IFT80: variants seen among roughly 807,000 people sequenced by gnomAD.
IFT80 encodes intraflagellar transport protein 80 homolog.
IFT80 carries 79 observed loss-of-function variants against 107.9 expected under a neutral mutation model. The observed-to-expected ratio is 0.73, with a 90% CI of 0.61 to 0.88. The LOEUF is 0.88. IFT80 is among the 40% of genes least tolerant of loss of function. The pLI is 0.00. For missense variants in IFT80, 797 were observed against 914.2 expected, an observed-to-expected ratio of 0.87 and a Z score of 1.65; for synonymous variants, 299 against 300.9, an observed-to-expected ratio of 0.99 and a Z score of 0.07.
chr3:160,291,754 C>A (rs1715576504), intron 12 of IFT80, among the ~76,000 whole-genome samples: 1 of 152,158 alleles, frequency 6.6e-6, no homozygotes, highest in African/African-American at 2.4e-5. Context: ...TAGGGTACAG[C>A]CTCAAGGAAC....
intron 1 of IFT80, among the ~76,000 whole-genome samples, chr3:160,389,409 C>G (rs1158738273): frequency 6.6e-6 from 1 of 151,316 alleles, no homozygotes; most frequent in Non-Finnish European, 1.5e-5. Context: ...ATACATGTGC[C>G]ATGCTGGTGT....
Position 160,277,580 on chromosome 3 carries a change from C to T in IFT80, c.1926+1G>A. ...CATATATGTAAACATTAATTACTTA[C>T]TTCACCAATTGCTGCATAGGCTATT... On this transcript the variant is annotated splice_donor_variant, in intron 17 of 19. Transcript: ENST00000326448. LOFTEE classifies it high-confidence loss of function. 6.2e-7 allele frequency: 1 copy of T among 1,610,024 alleles called. No individual in the cohort carries two copies. Among genetic ancestry groups the T allele is most frequent in the Non-Finnish European group, 8.5e-7 (1 of 1,176,486 alleles).
chr3:160,262,405 G>T (rs1227975889), intron 19 of IFT80, among the ~76,000 whole-genome samples: 1 of 152,170 alleles, frequency 6.6e-6, no homozygotes, highest in African/African-American at 2.4e-5. Context: ...CACCCAGGCT[G>T]GTGTGTGGTG....
intron 5 of IFT80, among the ~76,000 whole-genome samples, chr3:160,368,869 C>G (rs909426635): frequency 6.6e-6 from 1 of 151,776 alleles, no homozygotes; most frequent in African/African-American, 2.4e-5. Context: ...GCGTGTATAC[C>G]AAACTGTGAC....
At chr3:160,269,037 T>C (rs1233495949) in intron 18 of IFT80, among the ~76,000 whole-genome samples, 6 of 152,162 alleles carry the variant, frequency 3.9e-5, no homozygotes, top group Admixed American at 1.3e-4. Context: ...AAGACTAGCC[T>C]GGCCAACATG....
chr3:160,335,311 AC>A (rs1011831421), intron 8 of IFT80, among the ~76,000 whole-genome samples: 1 of 151,586 alleles, frequency 6.6e-6, no homozygotes, highest in African/African-American at 2.4e-5. Flanking sequence ...GCTCACTGCA[AC>A]CTTTGCCTCC....
intron 19 of IFT80, among the ~76,000 whole-genome samples, chr3:160,263,328 C>G (rs1390326411): frequency 1.3e-5 from 2 of 152,162 alleles, no homozygotes; most frequent in African/African-American, 4.8e-5. Context: ...CCTAACTAGT[C>G]TCCTACTCAC....
At chr3:160,368,300 C>T (rs899246229) in intron 5 of IFT80, among the ~76,000 whole-genome samples, 8 of 134,666 alleles carry the variant, frequency 5.9e-5, no homozygotes, top group Non-Finnish European at 1.1e-4. Flanking sequence ...AAACACAATT[C>T]AATTGTGAGC....
At chr3:160,315,995 G>T (rs1717787853) in intron 9 of IFT80, among the ~76,000 whole-genome samples, 1 of 152,238 alleles carries the variant, frequency 6.6e-6, no homozygotes, top group South Asian at 2.1e-4. Flanking sequence ...CTGCCTCCTG[G>T]TATTCAAACC....
chr3:160,396,194 G>A (rs1282991297), intron 1 of IFT80, among the ~76,000 whole-genome samples: 15 of 151,874 alleles, frequency 9.9e-5, no homozygotes, highest in Admixed American at 4.6e-4. Flanking sequence ...CTGGGTTTTC[G>A]GTGATAAGTT....
intron 12 of IFT80, among the ~76,000 whole-genome samples, chr3:160,290,185 T>C (rs1396423149): frequency 6.6e-6 from 1 of 151,996 alleles, no homozygotes. Context: ...GGTAGGCAGA[T>C]CACTTGAGGT....
intron 8 of IFT80, among the ~76,000 whole-genome samples, chr3:160,344,673 G>T (rs1720156212): frequency 6.6e-6 from 1 of 152,052 alleles, no homozygotes; most frequent in Non-Finnish European, 1.5e-5. Flanking sequence ...AATTGGAAAA[G>T]ATATCTGCAA....
At position 160,303,903 on chromosome 3, in the gene IFT80, A is replaced by T. The variant is rs1235917029; in HGVS notation, c.1151+12T>A. ...TTAACCCCAGATCCAGTAGTTAAACATAATAAATTACCTTTCTGCCTGCAG... is the reference window on the plus strand; with the variant it reads ...TTAACCCCAGATCCAGTAGTTAAACTTAATAAATTACCTTTCTGCCTGCAG... On this transcript the variant is annotated intron_variant, in intron 11 of 19. Transcript: ENST00000326448. The T allele has an allele frequency of 6.4e-7, 1 of 1,551,112 alleles. No individual in the cohort carries two copies. Among genetic ancestry groups the T allele is most frequent in the East Asian group, 2.3e-5 (1 of 44,380 alleles).
At chr3:160,365,147 C>G (rs942495751) in intron 6 of IFT80, among the ~76,000 whole-genome samples, 5 of 151,990 alleles carry the variant, frequency 3.3e-5, no homozygotes, top group Non-Finnish European at 7.4e-5. Flanking sequence ...TGACTAAGAG[C>G]CATCAAAACT....
chr3:160,332,373 G>C (rs372973021), intron 8 of IFT80, among the ~76,000 whole-genome samples: 4 of 152,290 alleles, frequency 2.6e-5, no homozygotes, highest in African/African-American at 9.6e-5. Flanking sequence ...GAAACCTTTG[G>C]GTGGAGGCTT....
chr3:160,346,111 C>A (rs150656502), intron 8 of IFT80, among the ~76,000 whole-genome samples: 1 of 151,850 alleles, frequency 6.6e-6, no homozygotes, highest in Non-Finnish European at 1.5e-5. Flanking sequence ...CCAGGTGGTG[C>A]GTAGTGGGGA....
rs1413575475 is a variant in IFT80, at chr3:160,259,394, C to A, written c.2224-759G>T. 1.6e-4 allele frequency among the ~76,000 whole-genome samples: 24 copies of A among 152,110 alleles called. 1 individual carries two copies. Among genetic ancestry groups the A allele is most frequent in the Admixed American group, 1.6e-3 (24 of 15,264 alleles). ...CAAGCCATTTTTCAAATAGGCTTCA[C>A]ATCTTATATACTGCAGTTTCCACTG... On this transcript the variant is annotated intron_variant, in intron 19 of 19. Transcript: ENST00000326448.
chr3:160,389,444 A>T (rs1418055501), intron 1 of IFT80, among the ~76,000 whole-genome samples: 1 of 150,674 alleles, frequency 6.6e-6, no homozygotes, highest in African/African-American at 2.4e-5. Context: ...CTCGTCATTT[A>T]GCATTAGGTA....
chr3:160,314,885 C>T lies in IFT80; in HGVS notation c.957+4875G>A, dbSNP rs140144018. On this transcript the variant is annotated intron_variant, in intron 9 of 19. Transcript: ENST00000326448. The stretch of plus-strand genomic sequence containing the variant: ...TAAAACCAAAGAAAATGACTGGAGG[C>T]GAGCCTCAATCAATTTATAGGTTTA... Among the ~76,000 whole-genome samples, 21 of 152,086 alleles carry T rather than the reference C, an allele frequency of 1.4e-4. 1 individual carries two copies. The highest frequency in any genetic ancestry group is 4.3e-4 in the African/African-American group (18 of 41,486).
Sources: allele counts gnomAD v4.1 joint callset (sites outside exome capture counted in the v4.1 genomes callset), GRCh38; gene constraint gnomAD v4.1.1; transcripts MANE v1.5; gene names NCBI Gene and HGNC (gene_info 2026-07-23, HGNC 2026-07-21).